Variants in DPP10 observed in about 807,000 individuals in gnomAD.
The protein encoded by DPP10 is dipeptidyl peptidase like 10.
DPP10 carries 33 observed loss-of-function variants against 120.9 expected under a neutral mutation model. That is an observed-to-expected ratio of 0.27 (90% CI 0.21 to 0.37). The LOEUF is 0.37. Ranked by LOEUF, DPP10 falls within the 10% of genes least tolerant of loss-of-function variation. DPP10 has a pLI of 1.00. For synonymous variants in DPP10, 337 were observed against 326.1 expected (o/e 1.03, Z -0.36); for missense variants, 816 against 942.8 (o/e 0.87, Z 1.76).
chr2:115,550,670 CTTAT>C (rs991351611), intron 5 of DPP10, among the ~76,000 whole-genome samples: 4 of 152,120 alleles, frequency 2.6e-5, no homozygotes, highest in Non-Finnish European at 5.9e-5. Flanking sequence ...AACTATAACG[CTTAT>C]TTAAAGGAAT....
At chr2:115,368,825 A>G (rs1473288441) in intron 3 of DPP10, among the ~76,000 whole-genome samples, 1 of 151,696 alleles carries the variant, frequency 6.6e-6, no homozygotes, top group Non-Finnish European at 1.5e-5. Context: ...ATTTAATTCC[A>G]AAATATTTTC....
rs183951882 is a variant in DPP10 at position 114,616,775 on chromosome 2, C to T, written c.60+173937C>T. On this transcript the variant is annotated intron_variant, in intron 1 of 25. Transcript: ENST00000410059. ...GTCTTTACATGGTGTCAGACTGTAA[C>T]TCCACAGTTTCTTGCCAGGCAGAGA... Among the ~76,000 whole-genome samples, 4 of 152,140 alleles carry T rather than the reference C, an allele frequency of 2.6e-5. No individual in the cohort carries two copies. In the East Asian group the frequency reaches 7.8e-4, roughly 30 times the overall value.
At chr2:115,719,934 A>G (rs2092603183) in intron 7 of DPP10, among the ~76,000 whole-genome samples, 1 of 152,182 alleles carries the variant, frequency 6.6e-6, no homozygotes, top group East Asian at 1.9e-4. Context: ...GATAATCATT[A>G]TCCTGATTTG....
chr2:114,744,222 T>C (rs1678345099), intron 1 of DPP10, among the ~76,000 whole-genome samples: 1 of 152,196 alleles, frequency 6.6e-6, no homozygotes, highest in East Asian at 1.9e-4. Context: ...CTGAACCTTA[T>C]TTCTATGGGC....
chr2:115,341,781 T>C (rs1162932346), intron 2 of DPP10, among the ~76,000 whole-genome samples: 1 of 56,208 alleles, frequency 1.8e-5, no homozygotes, highest in Non-Finnish European at 4.7e-5. Context: ...GCTTGATAGC[T>C]CATTTTTTTT....
intron 1 of DPP10, among the ~76,000 whole-genome samples, chr2:114,635,063 A>G (rs2105396352): frequency 6.6e-6 from 1 of 152,036 alleles, no homozygotes; most frequent in East Asian, 1.9e-4. Context: ...TAGAAGTCAT[A>G]TAGAAACAAT....
chr2:115,617,269 T>TTTATATATATATATATATATATA (rs1558931363), intron 5 of DPP10, among the ~76,000 whole-genome samples: 4 of 16,916 alleles, frequency 2.4e-4, no homozygotes, highest in African/African-American at 5.4e-4. Flanking sequence ...ATATATATAT[T>TTTATATATATATATATATATATA]TTTTATATAT....
chr2:115,634,056 T>C (rs2086118178), intron 5 of DPP10, among the ~76,000 whole-genome samples: 1 of 152,222 alleles, frequency 6.6e-6, no homozygotes, highest in African/African-American at 2.4e-5. Context: ...TCTGAAATTC[T>C]TTCCTCTGCT....
chr2:115,380,743 G>T (rs1412625708), intron 3 of DPP10, among the ~76,000 whole-genome samples: 9 of 152,048 alleles, frequency 5.9e-5, no homozygotes, highest in African/African-American at 1.9e-4. Context: ...TTTAGGGCAG[G>T]CCTGGTGGTG....
At chr2:115,197,872 A>G (rs1573978111) in intron 1 of DPP10, among the ~76,000 whole-genome samples, 1 of 152,244 alleles carries the variant, frequency 6.6e-6, no homozygotes, top group East Asian at 1.9e-4. Context: ...ATTTCTCTGT[A>G]TTTTCAGAAT....
intron 24 of DPP10, 119 bp from the exon 25 acceptor site, chr2:115,840,629 TAA>T (rs1690044996): frequency 2.9e-6 from 3 of 1,025,286 alleles, no homozygotes; most frequent in Non-Finnish European, 4.3e-6. Context: ...CAGCCAGATA[TAA>T]GTCTTTTAAA....
chr2:114,809,349 A>G (rs1684994417), intron 1 of DPP10, among the ~76,000 whole-genome samples: 1 of 152,096 alleles, frequency 6.6e-6, no homozygotes, highest in African/African-American at 2.4e-5. Flanking sequence ...CTTTTTATTT[A>G]TTTGGTTTCT....
In DPP10 at chr2:114,834,880, A is replaced by G. The variant is rs184100397; in HGVS notation, c.60+392042A>G. On this transcript the variant is annotated intron_variant, in intron 1 of 25. Transcript: ENST00000410059. Reference sequence around the variant, plus strand: ...CTATGTATATAAAAGACATATCTACACAACTATGTATATATAAGCCATATC... The same window carrying G: ...CTATGTATATAAAAGACATATCTACGCAACTATGTATATATAAGCCATATC... Among the ~76,000 whole-genome samples the G allele has an allele frequency of 1.8e-3, 245 of 137,480 alleles. 16 individuals are homozygous for G. The highest frequency in any genetic ancestry group is 8.1e-3 in the African/African-American group (229 of 28,110). 90.2% of individuals were successfully genotyped at this position (137,480 alleles called of 152,430 possible).
At chr2:115,245,681 G>T (rs938292230) in intron 1 of DPP10, among the ~76,000 whole-genome samples, 1 of 152,066 alleles carries the variant, frequency 6.6e-6, no homozygotes, top group African/African-American at 2.4e-5. Flanking sequence ...CCTTGCACAT[G>T]CATGTTTATA....
At chr2:115,821,815 G>T (rs1466112309) in intron 21 of DPP10, among the ~76,000 whole-genome samples, 1 of 151,726 alleles carries the variant, frequency 6.6e-6, no homozygotes, top group Non-Finnish European at 1.5e-5. Context: ...TTTTAGTTTT[G>T]TGTATAGTTA....
Position 115,689,841 on chromosome 2 carries a change from G to A in DPP10, c.496G>A (p.Glu166Lys). The change falls in exon 7 of 26, where the codon GAA (glutamate) becomes AAA (lysine). Residue 166 changes from glutamate to lysine, a missense_variant and splice_region_variant. Physicochemically the swap from Glu to Lys is moderately conservative, Grantham distance 56. Around this residue, in one of 3 missense-constraint regions of DPP10, gnomAD observed 182 missense variants for 207.4 expected, o/e 0.88. Coordinates refer to ENST00000410059, the MANE Select transcript of DPP10 (RefSeq NM_020868.6). ...TAAAAATATTCACATTTTTTCAAGG[G>A]AAGTTTGGGAGTTAAATCCTCCAGA... ...SYVIYNIHTR[E>K]VWELNPPEVE... 1 of 1,613,694 alleles carries A rather than the reference G, an allele frequency of 6.2e-7. No homozygotes were observed. Among genetic ancestry groups the A allele is most frequent in the Non-Finnish European group, 8.5e-7 (1 of 1,179,896 alleles).
intron 1 of DPP10, among the ~76,000 whole-genome samples, chr2:114,681,547 A>G (rs1699027077): frequency 6.6e-6 from 1 of 152,064 alleles, no homozygotes; most frequent in Non-Finnish European, 1.5e-5. Context: ...TTACAACTGT[A>G]TTCCTGATTG....
At chr2:114,886,634 C>T (rs951738453) in intron 1 of DPP10, among the ~76,000 whole-genome samples, 4 of 152,194 alleles carry the variant, frequency 2.6e-5, no homozygotes, top group Non-Finnish European at 5.9e-5. Flanking sequence ...TCTGTGTTAG[C>T]ATCTGCTCTT....
chr2:114,692,986 G>A (rs946739869), intron 1 of DPP10, among the ~76,000 whole-genome samples: 1 of 152,040 alleles, frequency 6.6e-6, no homozygotes, highest in East Asian at 1.9e-4. Context: ...CACGTGAGAT[G>A]GGTCTTTTGA....
Sources: allele counts gnomAD v4.1 joint callset (sites outside exome capture counted in the v4.1 genomes callset), GRCh38; gene constraint gnomAD v4.1.1; regional missense constraint gnomAD v4.1.1; transcripts MANE v1.5; gene names NCBI Gene and HGNC (gene_info 2026-07-23, HGNC 2026-07-21).